Variants in OTOP3 observed in about 807,000 individuals in gnomAD.
OTOP3 encodes proton channel OTOP3.
In OTOP3, 41 loss-of-function variants were observed where a neutral mutation model predicts 50.8. That is an observed-to-expected ratio of 0.81 (90% CI 0.63 to 1.05). The LOEUF (loss-of-function observed/expected upper bound fraction) is 1.05. Ranked by LOEUF, OTOP3 falls within the 50% of genes least tolerant of loss-of-function variation. The pLI is 0.00. For synonymous variants in OTOP3, 320 were observed against 324.4 expected (o/e 0.99, Z 0.14); for missense variants, 788 against 760.8 (o/e 1.04, Z -0.42).
chr17:74,937,960 A>T (rs1372387973), intron 1 of OTOP3, among the ~76,000 whole-genome samples: 2 of 152,106 alleles, frequency 1.3e-5, no homozygotes, highest in Non-Finnish European at 2.9e-5. Flanking sequence ...AGCAGTGTCC[A>T]GGAGGGATGG....
chr17:74,946,683 G>C lies in OTOP3; in HGVS notation c.774G>C (p.Leu258=), dbSNP rs774299910. 1.1e-5 allele frequency: 18 copies of C among 1,611,122 alleles called. No individual in the cohort carries two copies. Among genetic ancestry groups the C allele is most frequent in the Non-Finnish European group, 1.5e-5 (18 of 1,178,940 alleles). ...KSTGNETNTC[L]CLNATACEAF... ...CAGGCAATGAGACCAACACCTGTCT[G>C]TGCCTCAATGCCACCGCGTGTGAAG... The change falls in exon 6 of 7, where the codon CTG becomes CTC. Residue 258 remains leucine (L), a synonymous_variant. Coordinates refer to ENST00000328801, the MANE Select transcript of OTOP3 (RefSeq NM_001272005.2).
intron 4 of OTOP3, 86 bp from the exon 5 acceptor site, chr17:74,943,520 G>A (rs2144784458): frequency 1.4e-6 from 2 of 1,412,344 alleles, no homozygotes; most frequent in Non-Finnish European, 2.0e-6. Context: ...GGGAGTGAGT[G>A]GTTGCCCCAA....
At position 74,949,589 on chromosome 17, in the gene OTOP3, C is replaced by T. The variant is rs1294988706; in HGVS notation, c.*173C>T. ...GGCACTGCCTAGAGCCAGAGGCCAA[C>T]AGCAGGGGCCTGGACACTGAGCTTC... On this transcript the variant is annotated 3_prime_UTR_variant, in exon 7 of 7. Coordinates refer to ENST00000328801, the MANE Select transcript of OTOP3 (RefSeq NM_001272005.2). 2.4e-5 allele frequency: 17 copies of T among 718,580 alleles called. No individual in the cohort carries two copies. Among genetic ancestry groups the T allele is most frequent in the East Asian group, 1.1e-4 (4 of 36,240 alleles). 44.5% of individuals were successfully genotyped at this position (718,580 alleles called of 1,614,324 possible).
At chr17:74,946,435 AC>A (rs2039224636) in intron 5 of OTOP3, among the ~76,000 whole-genome samples, 1 of 152,196 alleles carries the variant, frequency 6.6e-6, no homozygotes, top group African/African-American at 2.4e-5. Context: ...TTAATGCTTT[AC>A]GTAAGTTTGG....
Position 74,947,100 on chromosome 17 carries a change from T to A in OTOP3, c.1191T>A (p.Asp397Glu). The A allele has an allele frequency of 6.2e-7, 1 of 1,614,126 alleles. No individual in the cohort carries two copies. Among genetic ancestry groups the A allele is most frequent in the Non-Finnish European group, 8.5e-7 (1 of 1,180,030 alleles). ...DTVKNPTRSL[D>E]VVLLMGAALG... ...TCAAGAACCCTACCCGCAGCCTGGA[T>A]GTGGTGCTGCTAATGGGTGCTGCAC... The change falls in exon 6 of 7, where the codon GAT (aspartate) becomes GAA (glutamate). Residue 397 changes from aspartate (D) to glutamate (E), a missense_variant. Transcript: ENST00000328801.
chr17:74,941,337 G>A, intron 1 of OTOP3, 56 bp from the exon 2 acceptor site: 3 of 1,439,658 alleles, frequency 2.1e-6, no homozygotes, highest in East Asian at 2.5e-5. Context: ...GGGGCAGCGT[G>A]GACTTGAACC....
intron 6 of OTOP3, 90 bp downstream of exon 6, chr17:74,947,565 T>G: frequency 8.0e-7 from 1 of 1,244,636 alleles, no homozygotes; most frequent in Non-Finnish European, 1.1e-6. Context: ...CAAGGACACA[T>G]CTTTTTCCAA....
At chr17:74,946,600 C>T in intron 5 of OTOP3, 61 bp from the exon 6 acceptor site, 1 of 1,426,340 alleles carries the variant, frequency 7.0e-7, no homozygotes, top group Non-Finnish European at 9.6e-7. Context: ...TCTGTGTAGC[C>T]AGTTTCCTCA....
At position 74,943,679 on chromosome 17, in the gene OTOP3, C is replaced by G. The variant is rs368381664; in HGVS notation, c.706C>G (p.Arg236Gly). The G allele has an allele frequency of 9.3e-6, 15 of 1,611,570 alleles. No homozygotes were observed. The highest frequency in any genetic ancestry group is 1.3e-5 in the Non-Finnish European group (15 of 1,179,844). ...GGCCGTTACCAATGACTCCATGCACCGAGAGATCGAAGCTGAGCTTGGCAT... is the reference window on the plus strand; with the variant it reads ...GGCCGTTACCAATGACTCCATGCACGGAGAGATCGAAGCTGAGCTTGGCAT... ...VLAVTNDSMH[R>G]EIEAELGILM... is the part of the protein sequence containing the mutation. Residue 236 changes from arginine (R) to glycine (G), a missense_variant, in exon 5 of 7, where the codon CGA becomes GGA. Physicochemically the swap from Arg to Gly is moderately radical, Grantham distance 125 (BLOSUM62 -2). Coordinates refer to ENST00000328801, the MANE Select transcript of OTOP3 (RefSeq NM_001272005.2).
In OTOP3 at chr17:74,949,324, T is replaced by A; in HGVS notation, c.1645T>A (p.Trp549Arg). The change falls in exon 7 of 7, where the codon TGG becomes AGG. Residue 549 changes from tryptophan to arginine, a missense_variant. By Grantham distance (101) the Trp-to-Arg change is moderately radical (BLOSUM62 -3). Transcript: ENST00000328801. ...AAAGGATTTCTACGGCTACCAGATA[T>A]GGTTCGCCATCGTCAACTTCGGCCT... ...LEKDFYGYQIWFAIVNFGLPL... is the reference protein window; with the variant it reads ...LEKDFYGYQIRFAIVNFGLPL... 6.2e-7 allele frequency: 1 copy of A among 1,614,012 alleles called. No individual in the cohort carries two copies.
intron 5 of OTOP3, among the ~76,000 whole-genome samples, chr17:74,944,588 C>T (rs1460784943): frequency 6.6e-6 from 1 of 152,172 alleles, no homozygotes; most frequent in Non-Finnish European, 1.5e-5. Flanking sequence ...GAAACCCCGT[C>T]TCTACTAAAA....
intron 4 of OTOP3, 104 bp from the exon 5 acceptor site, chr17:74,943,502 G>C (rs1184372472): frequency 7.5e-7 from 1 of 1,330,782 alleles, no homozygotes; most frequent in East Asian, 2.3e-5. Flanking sequence ...ACTAGGGAGT[G>C]AGTGGTTGGG....
At position 74,949,292 on chromosome 17, in the gene OTOP3, G is replaced by A. The variant is rs1290874098; in HGVS notation, c.1613G>A (p.Gly538Glu). 1 of 1,614,090 alleles carries A rather than the reference G, an allele frequency of 6.2e-7. No individual in the cohort carries two copies. Among genetic ancestry groups the A allele is most frequent in the Non-Finnish European group, 8.5e-7 (1 of 1,180,016 alleles). The change falls in exon 7 of 7, where the codon GGG becomes GAG. Residue 538 changes from glycine to glutamate, a missense_variant. By Grantham distance (98) the Gly-to-Glu change is moderately conservative. Transcript: ENST00000328801. ...AFGIHPEFEN[G>E]LEKDFYGYQI... Reference sequence around the variant, plus strand: ...GGCATACACCCGGAGTTTGAGAACGGGCTAGAAAAGGATTTCTACGGCTAC... The same window carrying A: ...GGCATACACCCGGAGTTTGAGAACGAGCTAGAAAAGGATTTCTACGGCTAC...
intron 3 of OTOP3, among the ~76,000 whole-genome samples, chr17:74,942,279 T>C (rs1453344637): frequency 6.6e-6 from 1 of 152,200 alleles, no homozygotes; most frequent in Non-Finnish European, 1.5e-5. Flanking sequence ...CAGCTGTCTA[T>C]GCGTATGTAG....
In OTOP3 at chr17:74,941,805, G is replaced by A. The variant is rs766334455; in HGVS notation, c.432G>A (p.Val144=). Residue 144 remains valine (V), a synonymous_variant, in exon 2 of 7, where the codon GTG becomes GTA. Transcript: ENST00000328801. ...ATCCCCACGCGGGGCCCCTCTGGGT[G>A]CGGGGTGAGTGTCAGGTTGCTGGGG... The part of the protein sequence containing the change: ...YQDPHAGPLW[V]RGSLVLFGSC... The A allele has an allele frequency of 6.8e-6, 11 of 1,608,490 alleles. No individual in the cohort carries two copies. The highest frequency in any genetic ancestry group is 3.3e-4 in the Middle Eastern group (2 of 6,060).
At position 74,935,949 on chromosome 17, in the gene OTOP3, G is replaced by A. The variant is rs1335763283; in HGVS notation, c.19+9G>A. The A allele has an allele frequency of 2.7e-5, 42 of 1,542,300 alleles. No homozygotes were observed. The Admixed American group carries it at 4.3e-4, about 16-fold the overall frequency. On this transcript the variant is annotated intron_variant, in intron 1 of 6. Coordinates refer to ENST00000328801, the MANE Select transcript of OTOP3 (RefSeq NM_001272005.2). ...GCCTCTCCCGGCCTCAGGTAAGCCC[G>A]GAGCGCCGGCGGAACTTTCCCAGCT... is the stretch of plus-strand genomic sequence containing the variant.
In OTOP3 at chr17:74,941,789, C is replaced by T. The variant is rs776212518; in HGVS notation, c.416C>T (p.Ala139Val). Residue 139 changes from alanine to valine, a missense_variant, in exon 2 of 7, where the codon GCG becomes GTG. By Grantham distance (64) the Ala-to-Val change is moderately conservative. Transcript: ENST00000328801. ...PHAVLYQDPH[A>V]GPLWVRGSLV... is the part of the protein sequence containing the mutation. The stretch of plus-strand genomic sequence containing the variant: ...GCCGTGCTCTACCAAGATCCCCACG[C>T]GGGGCCCCTCTGGGTGCGGGGTGAG... 6.8e-6 allele frequency: 10 copies of T among 1,481,186 alleles called. No homozygotes were observed. The East Asian group carries it at 9.2e-5, about 14-fold the overall frequency. The allele number at this position is 1,481,186 out of a possible 1,614,324, so 91.8% of individuals were successfully genotyped here.
rs1481385568 is a variant in OTOP3, at chr17:74,946,662, C to T, written c.753C>T (p.Gly251=). 1.2e-6 allele frequency: 2 copies of T among 1,600,226 alleles called. No homozygotes were observed. Among genetic ancestry groups the T allele is most frequent in the Admixed American group, 1.7e-5 (1 of 59,676 alleles). ...ELGILMEKST[G]NETNTCLCLN... ...CCTCCCACCCTGCCTCCCTCCCAGG[C>T]AATGAGACCAACACCTGTCTGTGCC... is the stretch of plus-strand genomic sequence containing the variant. The change falls in exon 6 of 7, where the codon GGC becomes GGT. Residue 251 remains glycine (G), a splice_region_variant and synonymous_variant. Coordinates refer to ENST00000328801, the MANE Select transcript of OTOP3 (RefSeq NM_001272005.2).
chr17:74,943,478 A>G, intron 4 of OTOP3, 128 bp from the exon 5 acceptor site: 2 of 1,330,452 alleles, frequency 1.5e-6, no homozygotes, highest in East Asian at 4.6e-5. Flanking sequence ...CTTGTGTCCT[A>G]GTGCCAGTGT....
Sources: allele counts gnomAD v4.1 joint callset (sites outside exome capture counted in the v4.1 genomes callset), GRCh38; gene constraint gnomAD v4.1.1; transcripts MANE v1.5; gene names NCBI Gene and HGNC (gene_info 2026-07-23, HGNC 2026-07-21).